The following ZNF680 variants were observed in gnomAD, a reference collection of about 807,000 sequenced individuals.
The protein encoded by ZNF680 is hypothetical protein FLJ90430.
In ZNF680, 6 loss-of-function variants were observed where a neutral mutation model predicts 12.1. The observed-to-expected ratio is 0.49, with a 90% CI of 0.27 to 0.98. The LOEUF (loss-of-function observed/expected upper bound fraction) is 0.98. Ranked by LOEUF, ZNF680 falls within the 50% of genes least tolerant of loss-of-function variation. The probability of loss-of-function intolerance (pLI) is 0.12; values close to 1 mark genes in which losing one functional copy is unlikely to be tolerated. For missense variants in ZNF680, 561 were observed against 616.3 expected (o/e 0.91, Z 0.95); for synonymous variants, 170 against 199.3 (o/e 0.85, Z 1.24).
At chr7:64,508,142 T>TATATATATATATATATATATAC in the ZNF680 span, among the ~76,000 whole-genome samples, 60 of 112,170 alleles carry the variant, frequency 5.3e-4, 2 homozygotes, top group East Asian at 4.9e-3. Flanking sequence ...TATATATATA[T>TATATATATATATATATATATAC]ACATAATTTT....
intron 1 of ZNF680, among the ~76,000 whole-genome samples, chr7:64,557,202 G>C (rs1292052263): frequency 6.6e-6 from 1 of 151,518 alleles, no homozygotes; most frequent in African/African-American, 2.4e-5. Flanking sequence ...AGTGAGCCAA[G>C]ATCGCGCCAC....
At chr7:64,550,836 C>G (rs751017678) in intron 1 of ZNF680, among the ~76,000 whole-genome samples, 1 of 151,042 alleles carries the variant, frequency 6.6e-6, no homozygotes, top group Admixed American at 6.6e-5. Context: ...AGGGAAAGGC[C>G]CCTCTAGAGT....
the ZNF680 span, among the ~76,000 whole-genome samples, chr7:64,513,075 G>A: frequency 6.6e-6 from 1 of 151,968 alleles, no homozygotes; most frequent in Non-Finnish European, 1.5e-5. Context: ...CAATGAGTAA[G>A]GCCAAAAAGC....
chr7:64,547,461 C>T (rs567956089), intron 1 of ZNF680, among the ~76,000 whole-genome samples: 1 of 152,252 alleles, frequency 6.6e-6, no homozygotes, highest in South Asian at 2.1e-4. Flanking sequence ...ACTAGCGTAA[C>T]GTTTATTAAG....
chr7:64,556,876 C>T (rs2116555286), intron 1 of ZNF680, among the ~76,000 whole-genome samples: 1 of 152,320 alleles, frequency 6.6e-6, no homozygotes, highest in East Asian at 1.9e-4. Context: ...AAACAACCTA[C>T]ACAATAAAAA....
chr7:64,555,382 A>T lies in ZNF680; in HGVS notation c.30+7543T>A, dbSNP rs2116547331. Among the ~76,000 whole-genome samples, 2 of 152,076 alleles carry T rather than the reference A, an allele frequency of 1.3e-5. 1 individual carries two copies. The highest frequency in any genetic ancestry group is 3.9e-4 in the East Asian group (2 of 5,182). Reference sequence around the variant, plus strand: ...CACTTGAAGTGATACAAATACATGGAAATTATGCCACCTGAGTCTAAATGA... The same window carrying T: ...CACTTGAAGTGATACAAATACATGGTAATTATGCCACCTGAGTCTAAATGA... On this transcript the variant is annotated intron_variant, in intron 1 of 3. Coordinates refer to ENST00000309683, the MANE Select transcript of ZNF680 (RefSeq NM_178558.5).
At chr7:64,532,301 T>C (rs1165017214) in intron 3 of ZNF680, among the ~76,000 whole-genome samples, 1 of 145,976 alleles carries the variant, frequency 6.9e-6, no homozygotes, top group African/African-American at 2.5e-5. Context: ...AGAGACTCCA[T>C]CTCAAAAAAA....
intron 1 of ZNF680, 110 bp downstream of exon 1, chr7:64,562,815 C>G: frequency 7.7e-7 from 1 of 1,299,212 alleles, no homozygotes; most frequent in South Asian, 1.2e-5. Flanking sequence ...ACAACTCGGG[C>G]CGCGGATTTT....
chr7:64,521,686 GC>G lies in ZNF680; in HGVS notation c.1067del (p.Gly356AlafsTer42). 1 of 1,612,378 alleles carries G rather than the reference GC, an allele frequency of 6.2e-7. No homozygotes were observed. Among genetic ancestry groups the G allele is most frequent in the East Asian group, 2.2e-5 (1 of 44,852 alleles). ...GEKPYKCEECGKAFNQFANLT... is the reference protein window; with the variant it reads ...GEKPYKCEECXKAFNQFANLT... ...GGTTTGCAAACTGGTTAAAAGCTTT[GC>G]CACATTCTTCACATTTGTAGGGTTT... On this transcript the variant is annotated frameshift_variant, in exon 4 of 4. Coordinates refer to ENST00000309683, the MANE Select transcript of ZNF680 (RefSeq NM_178558.5). LOFTEE classifies it low-confidence loss of function (END_TRUNC).
intron 1 of ZNF680, among the ~76,000 whole-genome samples, chr7:64,559,295 A>T (rs1265382366): frequency 6.6e-6 from 1 of 152,136 alleles, no homozygotes; most frequent in Non-Finnish European, 1.5e-5. Context: ...AGTCAAGGGC[A>T]AAGTTTTCAT....
rs773195117 is a variant in ZNF680 at position 64,520,202 on chromosome 7, A to AT, written c.*958dup. Reference sequence around the variant, plus strand: ...AATAATGCCCATCTAATAAAAAAGAATCTCTCCTATATCTGACACAGCAAC... The same window carrying AT: ...AATAATGCCCATCTAATAAAAAAGAATTCTCTCCTATATCTGACACAGCAAC... On this transcript the variant is annotated 3_prime_UTR_variant, in exon 4 of 4. Transcript: ENST00000309683. 3.3e-5 allele frequency: 5 copies of AT among 151,746 alleles called. No homozygotes were observed. Among genetic ancestry groups the AT allele is most frequent in the Non-Finnish European group, 7.4e-5 (5 of 67,692 alleles). The allele number at this position is 151,746 out of a possible 1,614,324, so 9.4% of individuals were successfully genotyped here.
the ZNF680 span, among the ~76,000 whole-genome samples, chr7:64,508,083 TAGAG>T: frequency 7.0e-6 from 1 of 143,144 alleles, no homozygotes; most frequent in Non-Finnish European, 1.5e-5. Context: ...CTTCACTTGT[TAGAG>T]AAACAAGTTA....
chr7:64,553,824 T>G (rs1026599482), intron 1 of ZNF680, among the ~76,000 whole-genome samples: 3 of 152,182 alleles, frequency 2.0e-5, no homozygotes, highest in African/African-American at 7.2e-5. Context: ...TGACCTCAAG[T>G]GATCTGCCCG....
At chr7:64,504,144 CTATAGTTATG>C in the ZNF680 span, among the ~76,000 whole-genome samples, 1 of 152,172 alleles carries the variant, frequency 6.6e-6, no homozygotes, top group African/African-American at 2.4e-5. Context: ...ATAGTCTCAT[CTATAGTTATG>C]CAATACCAAA....
chr7:64,542,514 A>G (rs989501777), intron 3 of ZNF680, among the ~76,000 whole-genome samples: 8 of 152,208 alleles, frequency 5.3e-5, no homozygotes, highest in African/African-American at 1.7e-4. Flanking sequence ...AAATACATTC[A>G]GTAAATTAGC....
chr7:64,543,949 A>G, intron 2 of ZNF680, 147 bp from the exon 3 acceptor site: 1 of 744,652 alleles, frequency 1.3e-6, no homozygotes, highest in East Asian at 3.0e-5. Context: ...CTAAATATTT[A>G]GAAAATACTT....
At chr7:64,529,879 T>A (rs1261956473) in intron 3 of ZNF680, among the ~76,000 whole-genome samples, 1 of 152,068 alleles carries the variant, frequency 6.6e-6, no homozygotes, top group Non-Finnish European at 1.5e-5. Context: ...AGGAAAAACA[T>A]CTTAAGAGTT....
downstream of ZNF680, among the ~76,000 whole-genome samples, chr7:64,515,944 AG>A (rs1473182996): frequency 1.3e-5 from 2 of 152,000 alleles, no homozygotes; most frequent in Non-Finnish European, 2.9e-5. Flanking sequence ...GGCCAAGCTA[AG>A]CAGCATCTAT....
the ZNF680 span, among the ~76,000 whole-genome samples, chr7:64,509,544 T>A: frequency 1.3e-5 from 2 of 152,326 alleles, no homozygotes; most frequent in South Asian, 2.1e-4. Context: ...TGTGCTTTTT[T>A]AATTCTTCAC....
Sources: gnomAD v4.1 joint callset for allele counts (sites outside exome capture counted in the v4.1 genomes callset) on GRCh38, gnomAD v4.1.1 for gene constraint, MANE v1.5 for transcripts, NCBI Gene and HGNC (gene_info 2026-07-23, HGNC 2026-07-21) for gene names.